Variants in NALCN observed in about 807,000 individuals in gnomAD.
The protein encoded by NALCN is sodium leak channel NALCN.
NALCN carries 111 observed loss-of-function variants against 225.3 expected under a neutral mutation model. The observed-to-expected ratio is 0.49, with a 90% CI of 0.42 to 0.58. NALCN has a LOEUF of 0.58. NALCN is among the 20% of genes least tolerant of loss of function. The pLI, the probability that NALCN is intolerant of heterozygous loss-of-function variation, is 0.00. For missense variants in NALCN, 1,378 were observed against 2,202.4 expected, an observed-to-expected ratio of 0.63 and a Z score of 7.49; for synonymous variants, 764 against 769.0, an observed-to-expected ratio of 0.99 and a Z score of 0.11.
intron 7 of NALCN, among the ~76,000 whole-genome samples, chr13:101,325,591 T>C (rs935851425): frequency 6.6e-6 from 1 of 152,158 alleles, no homozygotes; most frequent in Non-Finnish European, 1.5e-5. Flanking sequence ...AAAATGTGCT[T>C]TTCCTCAGCA....
chr13:101,395,413 C>G (rs2139489520), intron 2 of NALCN, 48 bp from the exon 3 acceptor site: 1 of 1,567,334 alleles, frequency 6.4e-7, no homozygotes, highest in Admixed American at 1.8e-5. Flanking sequence ...ACTGATATCT[C>G]AAACTTGTAT....
At chr13:101,355,847 G>C (rs1051840412) in intron 6 of NALCN, among the ~76,000 whole-genome samples, 1 of 152,144 alleles carries the variant, frequency 6.6e-6, no homozygotes, top group African/African-American at 2.4e-5. Context: ...ATAACAAACA[G>C]TCTCTCAGAC....
intron 13 of NALCN, among the ~76,000 whole-genome samples, chr13:101,194,553 G>T (rs561956396): frequency 6.6e-6 from 1 of 152,166 alleles, no homozygotes; most frequent in African/African-American, 2.4e-5. Context: ...TACATTGTCC[G>T]TAGGGCCTGT....
intron 30 of NALCN, among the ~76,000 whole-genome samples, chr13:101,085,410 G>C (rs543594038): frequency 5.0e-4 from 76 of 152,224 alleles, no homozygotes; most frequent in African/African-American, 1.7e-3. Flanking sequence ...AACTAGAATA[G>C]GGATAGTCAA....
chr13:101,182,436 A>C (rs2039279195), intron 14 of NALCN, among the ~76,000 whole-genome samples: 1 of 152,224 alleles, frequency 6.6e-6, no homozygotes, highest in African/African-American at 2.4e-5. Flanking sequence ...GGAGGCAACA[A>C]ATTTAAAAAT....
chr13:101,134,325 G>A (rs1286447835), intron 17 of NALCN, among the ~76,000 whole-genome samples: 1 of 152,164 alleles, frequency 6.6e-6, no homozygotes, highest in East Asian at 1.9e-4. Flanking sequence ...CCAAATCTTC[G>A]CTCTTCCTTT....
intron 1 of NALCN, among the ~76,000 whole-genome samples, chr13:101,400,233 C>T (rs1202660809): frequency 6.6e-6 from 1 of 152,062 alleles, no homozygotes; most frequent in Non-Finnish European, 1.5e-5. Context: ...CAGGTAATAA[C>T]TTGACCAAGG....
intron 2 of NALCN, 40 bp from the exon 3 acceptor site, chr13:101,395,405 T>A (rs1331141153): frequency 6.3e-7 from 1 of 1,583,638 alleles, no homozygotes; most frequent in East Asian, 2.3e-5. Flanking sequence ...GCACCATAAC[T>A]GATATCTCAA....
chr13:101,209,421 G>C (rs114852511), intron 13 of NALCN, among the ~76,000 whole-genome samples: 1 of 152,066 alleles, frequency 6.6e-6, no homozygotes, highest in African/African-American at 2.4e-5. Flanking sequence ...CGCTTGGTCC[G>C]GGATTCTGGG....
chr13:101,149,142 A>T (rs947445949), intron 15 of NALCN, among the ~76,000 whole-genome samples: 4 of 152,052 alleles, frequency 2.6e-5, no homozygotes, highest in Admixed American at 6.6e-5. Context: ...AAATACAAAA[A>T]ATTAGCTGGG....
At chr13:101,190,214 C>T (rs1144786) in intron 14 of NALCN, among the ~76,000 whole-genome samples, 55,149 of 151,872 alleles carry the variant, frequency 0.36, 10,600 homozygotes, top group African/African-American at 0.43. Context: ...ATTAGGAAAA[C>T]GATTAGGTTG....
chr13:101,295,401 A>G (rs1452491659), intron 7 of NALCN, among the ~76,000 whole-genome samples: 1 of 152,224 alleles, frequency 6.6e-6, no homozygotes, highest in Non-Finnish European at 1.5e-5. Flanking sequence ...GTATTAACTG[A>G]GCATTTTCAT....
chr13:101,115,452 C>T (rs1196228300), intron 18 of NALCN, among the ~76,000 whole-genome samples: 1 of 152,110 alleles, frequency 6.6e-6, no homozygotes, highest in Non-Finnish European at 1.5e-5. Context: ...CCTCCTCTTA[C>T]AGGAATCTAA....
chr13:101,301,711 A>G (rs1382022859), intron 7 of NALCN, among the ~76,000 whole-genome samples: 4 of 143,090 alleles, frequency 2.8e-5, no homozygotes, highest in Non-Finnish European at 6.3e-5. Context: ...ACAGAGCAAG[A>G]CTCTGTCTCA....
At chr13:101,188,339 T>C (rs1471241189) in intron 14 of NALCN, among the ~76,000 whole-genome samples, 3 of 152,034 alleles carry the variant, frequency 2.0e-5, no homozygotes, top group Non-Finnish European at 2.9e-5. Context: ...CTGCCACAAA[T>C]AATTGATAAG....
intron 17 of NALCN, among the ~76,000 whole-genome samples, chr13:101,126,826 G>A (rs139118655): frequency 2.9e-4 from 44 of 152,204 alleles, no homozygotes; most frequent in African/African-American, 9.6e-4. Context: ...AACCTCTCTT[G>A]AGTTGACAGC....
intron 13 of NALCN, among the ~76,000 whole-genome samples, chr13:101,204,039 A>G (rs1378847190): frequency 1.3e-5 from 2 of 152,220 alleles, no homozygotes; most frequent in Non-Finnish European, 2.9e-5. Context: ...GCAATGGAAC[A>G]CTAACTGAAT....
At chr13:101,291,960 G>C in intron 9 of NALCN, 30 bp downstream of exon 9, 1 of 1,607,244 alleles carries the variant, frequency 6.2e-7, no homozygotes, top group Non-Finnish European at 8.5e-7. Flanking sequence ...TGCTCGAATG[G>C]GTTATAACAT....
At chr13:101,107,431 C>T (rs1009944162) in intron 22 of NALCN, 56 bp downstream of exon 22, 2 of 1,611,416 alleles carry the variant, frequency 1.2e-6, no homozygotes, top group Admixed American at 1.7e-5. Flanking sequence ...TATGACAACA[C>T]CCCTGCTGTT....
Sources: allele counts gnomAD v4.1 joint callset (sites outside exome capture counted in the v4.1 genomes callset), GRCh38; gene constraint gnomAD v4.1.1; transcripts MANE v1.5; gene names NCBI Gene and HGNC (gene_info 2026-07-23, HGNC 2026-07-21).